Variants in YWHAE observed in about 807,000 individuals in gnomAD.
YWHAE encodes the protein tyrosine 3-monooxygenase/tryptophan 5-monooxygenase activation protein epsilon, also known as 14-3-3 protein epsilon.
YWHAE carries 4 observed loss-of-function variants against 30.1 expected under a neutral mutation model. That is an observed-to-expected ratio of 0.13 (90% CI 0.07 to 0.30). YWHAE has a LOEUF of 0.30. YWHAE is among the 10% of genes least tolerant of loss of function. YWHAE has a pLI of 1.00. For synonymous variants in YWHAE, 118 were observed against 111.8 expected (o/e 1.06, Z -0.35); for missense variants, 121 against 315.9 (o/e 0.38, Z 4.68).
chr17:1,369,654 C>A (rs2072999762), intron 1 of YWHAE: 1 of 152,176 alleles, frequency 6.6e-6, no homozygotes, highest in Non-Finnish European at 1.5e-5. Context: ...AACCACCAAT[C>A]TATTTTCCGC....
At chr17:1,391,189 A>T (rs1196221671) in intron 1 of YWHAE, among the ~76,000 whole-genome samples, 1 of 152,214 alleles carries the variant, frequency 6.6e-6, no homozygotes, top group Non-Finnish European at 1.5e-5. Flanking sequence ...AGCAACTACC[A>T]CATCCTTAAC....
chr17:1,364,838 A>G, intron 2 of YWHAE, 21 bp downstream of exon 2: 1 of 1,613,710 alleles, frequency 6.2e-7, no homozygotes, highest in East Asian at 2.2e-5. Context: ...ATAAGGGGGG[A>G]TGATGGCACA....
At chr17:1,368,636 G>A (rs2072983311) in intron 1 of YWHAE, among the ~76,000 whole-genome samples, 1 of 151,486 alleles carries the variant, frequency 6.6e-6, no homozygotes, top group South Asian at 2.1e-4. Context: ...GAGTCTGAAA[G>A]CATTCATCTA....
At chr17:1,355,156 T>A (rs1462680232) in intron 4 of YWHAE, among the ~76,000 whole-genome samples, 1 of 24,948 alleles carries the variant, frequency 4.0e-5, no homozygotes, top group East Asian at 9.8e-4. Context: ...AAATTTTTTT[T>A]TTTTTTTTTT....
In YWHAE at chr17:1,399,680, C is replaced by T. The variant is rs551625865; in HGVS notation, c.64+367G>A. Reference sequence around the variant, plus strand: ...ACCCCACCCAATTGTTCTCCACATCCCAAGGCCGTCCCAGAAGCTCCCATG... The same window carrying T: ...ACCCCACCCAATTGTTCTCCACATCTCAAGGCCGTCCCAGAAGCTCCCATG... On this transcript the variant is annotated intron_variant, in intron 1 of 5. Transcript: ENST00000264335. 1,188 of 437,398 alleles carry T rather than the reference C, an allele frequency of 2.7e-3. 14 individuals carry two copies. Among genetic ancestry groups the T allele is most frequent in the African/African-American group, 0.023 (1,115 of 49,410 alleles). The allele number at this position is 437,398 out of a possible 1,614,324, so 27.1% of individuals were successfully genotyped here. A position where few individuals can be genotyped will look rare whatever the true frequency, so the allele number is the denominator to read the frequency against.
chr17:1,377,901 T>G (rs2150865458), intron 1 of YWHAE, among the ~76,000 whole-genome samples: 1 of 152,074 alleles, frequency 6.6e-6, no homozygotes, highest in Non-Finnish European at 1.5e-5. Context: ...ATACAAAAAT[T>G]AGCTGGGCAT....
intron 2 of YWHAE, 90 bp from the exon 3 acceptor site, chr17:1,362,098 G>A (rs1206735094): frequency 1.3e-6 from 1 of 744,440 alleles, no homozygotes; most frequent in Non-Finnish European, 2.0e-6. Context: ...GAGGTAGAGA[G>A]CTTAGTATTA....
chr17:1,376,301 G>A (rs2073120561), intron 1 of YWHAE, among the ~76,000 whole-genome samples: 1 of 152,064 alleles, frequency 6.6e-6, no homozygotes, highest in African/African-American at 2.4e-5. Context: ...CAGGCATGGT[G>A]GCGTCTGCCA....
Position 1,400,155 on chromosome 17 carries a change from A to T in YWHAE, c.-45T>A. 1 of 1,610,130 alleles carries T rather than the reference A, an allele frequency of 6.2e-7. No individual in the cohort carries two copies. The highest frequency in any genetic ancestry group is 1.1e-5 in the South Asian group (1 of 90,996). On this transcript the variant is annotated 5_prime_UTR_variant, in exon 1 of 6. Coordinates refer to ENST00000264335, the MANE Select transcript of YWHAE (RefSeq NM_006761.5). ...GGGTCTGCGCGACGGATGGAAGCGG[A>T]TAGTGTCTCCGACTCTCTCAGCCTC...
chr17:1,386,175 G>T (rs1429065347), intron 1 of YWHAE, among the ~76,000 whole-genome samples: 1 of 152,054 alleles, frequency 6.6e-6, no homozygotes, highest in African/African-American at 2.4e-5. Context: ...TTATTACAGG[G>T]TTTCATCACA....
chr17:1,399,874 G>A (rs992061356), intron 1 of YWHAE, 173 bp downstream of exon 1: 10 of 753,474 alleles, frequency 1.3e-5, no homozygotes, highest in Non-Finnish European at 2.0e-5. Flanking sequence ...CACATTCCAG[G>A]GCATAGAGCC....
At position 1,354,892 on chromosome 17, in the gene YWHAE, G is replaced by C. The variant is rs553264365; in HGVS notation, c.579-545C>G. On this transcript the variant is annotated intron_variant, in intron 4 of 5. Coordinates refer to ENST00000264335, the MANE Select transcript of YWHAE (RefSeq NM_006761.5). ...TTAGCCAGGATGGTCTCGATCTCCTGACCTCGTGATCCACCAGCCTCAGCA... is the reference window on the plus strand; with the variant it reads ...TTAGCCAGGATGGTCTCGATCTCCTCACCTCGTGATCCACCAGCCTCAGCA... Among the ~76,000 whole-genome samples the C allele has an allele frequency of 1.2e-3, 176 of 147,888 alleles. 1 individual carries two copies. Among genetic ancestry groups the C allele is most frequent in the African/African-American group, 4.1e-3 (167 of 40,498 alleles).
chr17:1,387,041 G>A (rs1043286949), intron 1 of YWHAE, among the ~76,000 whole-genome samples: 1 of 151,974 alleles, frequency 6.6e-6, no homozygotes, highest in African/African-American at 2.4e-5. Context: ...GCTTTTGCTA[G>A]GTTAAAAAGA....
intron 1 of YWHAE, among the ~76,000 whole-genome samples, chr17:1,375,865 C>T (rs553605344): frequency 6.6e-6 from 1 of 152,176 alleles, no homozygotes; most frequent in South Asian, 2.1e-4. Flanking sequence ...GTTCATTCAA[C>T]AGACTAATTC....
intron 4 of YWHAE, among the ~76,000 whole-genome samples, chr17:1,354,826 C>G (rs2072701309): frequency 6.6e-6 from 1 of 151,742 alleles, no homozygotes. Context: ...CCACACCCGG[C>G]TAATTTTTTG....
intron 1 of YWHAE, among the ~76,000 whole-genome samples, chr17:1,389,762 C>T (rs2073361530): frequency 6.6e-6 from 1 of 151,900 alleles, no homozygotes; most frequent in South Asian, 2.1e-4. Flanking sequence ...AATCTGCTGA[C>T]CTCGTAGTCC....
At chr17:1,398,636 A>G (rs1362440316) in intron 1 of YWHAE, among the ~76,000 whole-genome samples, 2 of 152,132 alleles carry the variant, frequency 1.3e-5, no homozygotes, top group African/African-American at 4.8e-5. Context: ...TACCACGCAA[A>G]AGCATTAAAA....
At chr17:1,355,913 A>C (rs976397776) in intron 4 of YWHAE, among the ~76,000 whole-genome samples, 4 of 152,160 alleles carry the variant, frequency 2.6e-5, no homozygotes, top group African/African-American at 9.7e-5. Context: ...TCAAGCCTGT[A>C]ATCCCAGCAC....
At chr17:1,379,722 T>C (rs1211228555) in intron 1 of YWHAE, among the ~76,000 whole-genome samples, 1 of 152,186 alleles carries the variant, frequency 6.6e-6, no homozygotes, top group African/African-American at 2.4e-5. Context: ...TGGAGCGTGT[T>C]ACGATGAGTT....
Sources: allele counts gnomAD v4.1 joint callset (sites outside exome capture counted in the v4.1 genomes callset), GRCh38; gene constraint gnomAD v4.1.1; transcripts MANE v1.5; gene names NCBI Gene and HGNC (gene_info 2026-07-23, HGNC 2026-07-21).